The following NRG3 variants were observed in gnomAD, a reference collection of about 807,000 sequenced individuals.
NRG3 encodes pro-neuregulin-3, membrane-bound isoform.
A neutral mutation model predicts 66.9 loss-of-function variants in NRG3; 31 were observed. The ratio of observed to expected loss-of-function variants is 0.46; its 90% CI spans 0.35 to 0.63. NRG3 has a LOEUF of 0.63. Ranked by LOEUF, NRG3 falls within the 20% of genes least tolerant of loss-of-function variation. The probability of loss-of-function intolerance (pLI) is 0.00; values close to 1 mark genes in which losing one functional copy is unlikely to be tolerated. For missense variants in NRG3, 910 were observed against 878.9 expected (o/e 1.04, Z -0.45); for synonymous variants, 393 against 359.4 (o/e 1.09, Z -1.06).
chr10:82,813,569 A>G (rs1049921835), intron 3 of NRG3, among the ~76,000 whole-genome samples: 1 of 152,170 alleles, frequency 6.6e-6, no homozygotes, highest in African/African-American at 2.4e-5. Flanking sequence ...AGTTGCTTCC[A>G]TATGAGACTT....
chr10:82,740,841 A>AG (rs1408678223), intron 3 of NRG3, among the ~76,000 whole-genome samples: 1 of 107,990 alleles, frequency 9.3e-6, no homozygotes, highest in African/African-American at 3.3e-5. Context: ...AAAAAAAAAA[A>AG]AAAAAAAATT....
At chr10:82,312,029 G>A (rs1281480720) in intron 1 of NRG3, among the ~76,000 whole-genome samples, 1 of 152,176 alleles carries the variant, frequency 6.6e-6, no homozygotes, top group African/African-American at 2.4e-5. Flanking sequence ...AATGTGTGAA[G>A]ATTCAGTGAT....
intron 1 of NRG3, among the ~76,000 whole-genome samples, chr10:81,920,005 A>T (rs1336906746): frequency 2.0e-5 from 3 of 152,228 alleles, no homozygotes; most frequent in African/African-American, 7.2e-5. Context: ...AAATAACAAT[A>T]AAAATAACTT....
intron 1 of NRG3, among the ~76,000 whole-genome samples, chr10:82,081,239 G>C (rs893208381): frequency 1.6e-4 from 25 of 152,146 alleles, no homozygotes; most frequent in African/African-American, 6.0e-4. Flanking sequence ...CCCAAGATCT[G>C]ACATTCCAAG....
intron 1 of NRG3, among the ~76,000 whole-genome samples, chr10:82,204,811 C>T (rs1003441260): frequency 2.6e-5 from 4 of 152,280 alleles, no homozygotes; most frequent in Middle Eastern, 6.8e-3. Context: ...AGTGAAGTGG[C>T]TATTTAAGCT....
At chr10:81,910,155 A>C (rs1564649701) in intron 1 of NRG3, among the ~76,000 whole-genome samples, 1 of 152,162 alleles carries the variant, frequency 6.6e-6, no homozygotes, top group Non-Finnish European at 1.5e-5. Flanking sequence ...AATCCTGTAG[A>C]ATCAGTGGCT....
Position 82,440,642 on chromosome 10 carries a change from A to G in NRG3, c.953+81774A>G, listed in dbSNP as rs184702044. Reference sequence around the variant, plus strand: ...TTGTGGAGATGGTAACTTTTTCCTGAATGCTTGAATCAGCTTTGAACTATG... The same window carrying G: ...TTGTGGAGATGGTAACTTTTTCCTGGATGCTTGAATCAGCTTTGAACTATG... On this transcript the variant is annotated intron_variant, in intron 2 of 8. Transcript: ENST00000372141. Among the ~76,000 whole-genome samples, 795 of 151,972 alleles carry G rather than the reference A, an allele frequency of 5.2e-3. 7 individuals carry two copies. The highest frequency in any genetic ancestry group is 0.019 in the African/African-American group (773 of 41,468).
At chr10:82,749,884 A>G (rs1456923412) in intron 3 of NRG3, among the ~76,000 whole-genome samples, 1 of 152,106 alleles carries the variant, frequency 6.6e-6, no homozygotes, top group Non-Finnish European at 1.5e-5. Context: ...CCCTCAATCA[A>G]AAGGGTCCAG....
chr10:82,475,201 C>A (rs114944715), intron 2 of NRG3, among the ~76,000 whole-genome samples: 324 of 152,044 alleles, frequency 2.1e-3, no homozygotes, highest in African/African-American at 7.3e-3. Flanking sequence ...ATAAAATTGA[C>A]CAACCTTTAG....
At chr10:82,278,175 C>T (rs1365589261) in intron 1 of NRG3, among the ~76,000 whole-genome samples, 1 of 152,004 alleles carries the variant, frequency 6.6e-6, no homozygotes, top group Non-Finnish European at 1.5e-5. Context: ...GCTAAACCTC[C>T]AAGAAAATGA....
chr10:82,352,260 C>A (rs1270062629), intron 1 of NRG3, among the ~76,000 whole-genome samples: 1 of 152,138 alleles, frequency 6.6e-6, no homozygotes, highest in Non-Finnish European at 1.5e-5. Flanking sequence ...CTTCCAGAAG[C>A]ATACGGTTTA....
intron 3 of NRG3, among the ~76,000 whole-genome samples, chr10:82,740,218 T>G (rs949231070): frequency 6.6e-6 from 1 of 151,328 alleles, no homozygotes; most frequent in African/African-American, 2.4e-5. Flanking sequence ...CCTTTCTTCT[T>G]TCTTTCCTTT....
chr10:82,875,511 C>A (rs1240299037), intron 4 of NRG3, among the ~76,000 whole-genome samples: 2 of 152,112 alleles, frequency 1.3e-5, no homozygotes, highest in African/African-American at 4.8e-5. Flanking sequence ...GCATGTGGCA[C>A]CATGTGCAGC....
intron 2 of NRG3, among the ~76,000 whole-genome samples, chr10:82,684,382 A>C (rs2134148503): frequency 6.6e-6 from 1 of 152,304 alleles, no homozygotes; most frequent in East Asian, 1.9e-4. Context: ...AAAATATTTT[A>C]AATTGAACCC....
chr10:82,098,298 T>A (rs1272147209), intron 1 of NRG3, among the ~76,000 whole-genome samples: 1 of 151,296 alleles, frequency 6.6e-6, no homozygotes, highest in Non-Finnish European at 1.5e-5. Context: ...TATATATATG[T>A]CATATATATA....
rs116331872 is a variant in NRG3 at position 82,795,753 on chromosome 10, T to A, written c.1027+57103T>A. Among the ~76,000 whole-genome samples the A allele has an allele frequency of 6.9e-3, 1,048 of 152,286 alleles. 13 individuals carry two copies. The highest frequency in any genetic ancestry group is 0.024 in the African/African-American group (1,010 of 41,566). ...GCAGAAGAGACTTCCTTATTAGGAT[T>A]ACTGAGGTAAACTGGAATCTCTTGT... On this transcript the variant is annotated intron_variant, in intron 3 of 8. Transcript: ENST00000372141.
chr10:82,952,325 T>C (rs1923575), intron 5 of NRG3, among the ~76,000 whole-genome samples: 140,178 of 151,554 alleles, frequency 0.92, 64,866 homozygotes, highest in Middle Eastern at 0.98. Context: ...CCCACCTACT[T>C]GGGAGGCTGA....
At chr10:82,128,529 G>C (rs1175705279) in intron 1 of NRG3, among the ~76,000 whole-genome samples, 1 of 151,914 alleles carries the variant, frequency 6.6e-6, no homozygotes, top group Admixed American at 6.6e-5. Flanking sequence ...AATGCCTTTT[G>C]CATTTGTTGT....
At chr10:82,063,259 T>C (rs1564783618) in intron 1 of NRG3, among the ~76,000 whole-genome samples, 1 of 152,052 alleles carries the variant, frequency 6.6e-6, no homozygotes, top group African/African-American at 2.4e-5. Context: ...AGGTTTATCA[T>C]CATTTTACAG....
Sources: gnomAD v4.1 joint callset for allele counts (sites outside exome capture counted in the v4.1 genomes callset) on GRCh38, gnomAD v4.1.1 for gene constraint, MANE v1.5 for transcripts, NCBI Gene and HGNC (gene_info 2026-07-23, HGNC 2026-07-21) for gene names.